The following MRAP2 variants were observed in gnomAD, a reference collection of about 807,000 sequenced individuals.
MRAP2 encodes melanocortin 2 receptor accessory protein 2, also known as melanocortin-2 receptor accessory protein 2.
MRAP2 carries 20 observed loss-of-function variants against 17.4 expected under a neutral mutation model. That is an observed-to-expected ratio of 1.15 (90% confidence interval 0.81 to 1.67). MRAP2 has a LOEUF of 1.67. MRAP2 is among the 40% of genes most tolerant of loss of function. The pLI is 0.00. For missense variants in MRAP2, 238 were observed against 240.0 expected, an observed-to-expected ratio of 0.99 and a Z score of 0.05; for synonymous variants, 96 against 88.4, an observed-to-expected ratio of 1.09 and a Z score of -0.48.
chr6:84,054,365 T>A (rs2129164284), intron 1 of MRAP2, among the ~76,000 whole-genome samples: 1 of 152,284 alleles, frequency 6.6e-6, no homozygotes, highest in East Asian at 1.9e-4. Context: ...AGTGCAACCA[T>A]CTTCTCCCAA....
intron 1 of MRAP2, among the ~76,000 whole-genome samples, chr6:84,040,952 A>G (rs139801912): frequency 1.1e-3 from 164 of 152,354 alleles, no homozygotes; most frequent in African/African-American, 3.8e-3. Flanking sequence ...GTTGATTGCC[A>G]AGACAAAGGG....
chr6:84,102,622 G>A, the MRAP2 span, among the ~76,000 whole-genome samples: 1 of 152,160 alleles, frequency 6.6e-6, no homozygotes, highest in Non-Finnish European at 1.5e-5. Context: ...ACTGTAAGAC[G>A]ATAAGCTTGT....
chr6:84,066,004 AACACACACACACAC>A (rs10684117), intron 3 of MRAP2, among the ~76,000 whole-genome samples: 2 of 142,416 alleles, frequency 1.4e-5, no homozygotes, highest in Non-Finnish European at 3.1e-5. Flanking sequence ...TCTCTTTATA[AACACACACACACAC>A]ACACACACAC....
chr6:84,072,940 C>T (rs1381968586), intron 3 of MRAP2, among the ~76,000 whole-genome samples: 2 of 152,132 alleles, frequency 1.3e-5, no homozygotes, highest in Non-Finnish European at 2.9e-5. Context: ...CACTAACAGC[C>T]CCTAATCTGT....
At chr6:84,139,327 T>A in the MRAP2 span, among the ~76,000 whole-genome samples, 1 of 152,176 alleles carries the variant, frequency 6.6e-6, no homozygotes, top group African/African-American at 2.4e-5. Context: ...ATCTACAAAT[T>A]GATTGTTCTT....
In MRAP2 at chr6:84,057,808, T is replaced by G. The variant is rs536729810; in HGVS notation, c.127+2363T>G. Among the ~76,000 whole-genome samples the G allele has an allele frequency of 1.4e-4, 21 of 150,848 alleles. 1 individual carries two copies. In the South Asian group the frequency reaches 4.0e-3, roughly 29 times the overall value. On this transcript the variant is annotated intron_variant, in intron 2 of 3. Coordinates refer to ENST00000257776, the MANE Select transcript of MRAP2 (RefSeq NM_138409.4). ...TGGCAATATAAAAGGATAAATAGAG[T>G]GGGGGTAAAGGGATGTGGAGTGTGG...
In MRAP2 at chr6:84,062,837, A is replaced by T. The variant is rs1007341756; in HGVS notation, c.128-56A>T. On this transcript the variant is annotated intron_variant, in intron 2 of 3. Coordinates refer to ENST00000257776, the MANE Select transcript of MRAP2 (RefSeq NM_138409.4). ...CTCTCCAAAAAGCTCTGATTCTTGA[A>T]TGTTCAAGTTTTAAACTACTGTGAA... 3 of 1,610,378 alleles carry T rather than the reference A, an allele frequency of 1.9e-6. No individual in the cohort carries two copies. In the Admixed American group the frequency reaches 5.0e-5, roughly 27 times the overall value.
intron 3 of MRAP2, among the ~76,000 whole-genome samples, chr6:84,080,350 C>T (rs1047319445): frequency 4.6e-5 from 7 of 152,114 alleles, no homozygotes; most frequent in Non-Finnish European, 1.0e-4. Flanking sequence ...GGGTTTTTAA[C>T]ATAAGTGACT....
intron 3 of MRAP2, among the ~76,000 whole-genome samples, chr6:84,073,992 T>C (rs2099496928): frequency 6.6e-6 from 1 of 151,812 alleles, no homozygotes; most frequent in Non-Finnish European, 1.5e-5. Context: ...AGCCAAAAGA[T>C]TGGACATCCC....
intron 2 of MRAP2, among the ~76,000 whole-genome samples, chr6:84,056,651 C>T (rs760374315): frequency 1.3e-5 from 2 of 152,068 alleles, no homozygotes; most frequent in Non-Finnish European, 2.9e-5. Flanking sequence ...TCTAGGATAA[C>T]CTTTATGTAA....
At position 84,072,558 on chromosome 6, in the gene MRAP2, C is replaced by T. The variant is rs946165542; in HGVS notation, c.227+9566C>T. Among the ~76,000 whole-genome samples, 39 of 152,176 alleles carry T rather than the reference C, an allele frequency of 2.6e-4. 1 individual carries two copies. Among genetic ancestry groups the T allele is most frequent in the Non-Finnish European group, 2.9e-5 (2 of 68,024 alleles). On this transcript the variant is annotated intron_variant, in intron 3 of 3. Coordinates refer to ENST00000257776, the MANE Select transcript of MRAP2 (RefSeq NM_138409.4). ...TGTTTTTGTGCTGGTTGGCCTCCTG[C>T]CGGGTCATGTTGCTTTCCAGAGAGC...
At chr6:84,129,869 G>A in the MRAP2 span, among the ~76,000 whole-genome samples, 1 of 152,012 alleles carries the variant, frequency 6.6e-6, no homozygotes, top group Non-Finnish European at 1.5e-5. Context: ...TTGCCTGATT[G>A]TTCTGGCCAG....
the MRAP2 span, among the ~76,000 whole-genome samples, chr6:84,121,214 A>G: frequency 6.6e-6 from 1 of 152,088 alleles, no homozygotes; most frequent in African/African-American, 2.4e-5. Context: ...AGCTGGGACT[A>G]CAGGCACATG....
the MRAP2 span, among the ~76,000 whole-genome samples, chr6:84,099,798 G>T: frequency 0.087 from 13,172 of 151,822 alleles, 1,471 homozygotes; most frequent in African/African-American, 0.26. Flanking sequence ...CTACTCTCAG[G>T]TATTCCTTTG....
At chr6:84,145,797 G>GA in the MRAP2 span, among the ~76,000 whole-genome samples, 1 of 152,028 alleles carries the variant, frequency 6.6e-6, no homozygotes, top group Non-Finnish European at 1.5e-5. Flanking sequence ...CTATTGCTGC[G>GA]TGTCTTATAA....
At chr6:84,036,179 T>C (rs1243588265) in intron 1 of MRAP2, among the ~76,000 whole-genome samples, 1 of 151,954 alleles carries the variant, frequency 6.6e-6, no homozygotes, top group Non-Finnish European at 1.5e-5. Flanking sequence ...AAATGAAATA[T>C]CAAGGTAGAT....
downstream of MRAP2, among the ~76,000 whole-genome samples, chr6:84,092,031 C>T (rs1341683898): frequency 6.6e-6 from 1 of 152,180 alleles, no homozygotes; most frequent in Non-Finnish European, 1.5e-5. Context: ...AGCAGCATTC[C>T]ATCTGGAGGC....
intron 3 of MRAP2, among the ~76,000 whole-genome samples, chr6:84,077,974 T>A (rs1461606447): frequency 6.6e-6 from 1 of 152,158 alleles, no homozygotes; most frequent in African/African-American, 2.4e-5. Context: ...AGAAACCAAA[T>A]TTTGAACGTT....
chr6:84,072,281 A>T (rs1239294064), intron 3 of MRAP2, among the ~76,000 whole-genome samples: 2 of 151,290 alleles, frequency 1.3e-5, no homozygotes, highest in Non-Finnish European at 2.9e-5. Context: ...TTGGTGTAGT[A>T]CTCTCCCCCT....
Sources: allele counts gnomAD v4.1 joint callset (sites outside exome capture counted in the v4.1 genomes callset), GRCh38; gene constraint gnomAD v4.1.1; transcripts MANE v1.5; gene names NCBI Gene and HGNC (gene_info 2026-07-23, HGNC 2026-07-21).